The following SHANK2 variants were observed in gnomAD, a reference collection of about 807,000 sequenced individuals.
SHANK2 encodes SH3 and multiple ankyrin repeat domains 2.
Under a neutral mutation model 133.7 loss-of-function variants are expected in SHANK2, and 43 were observed. The observed-to-expected ratio is 0.32, with a 90% CI of 0.25 to 0.41. The LOEUF is 0.41. Ranked by LOEUF, SHANK2 falls within the 10% of genes least tolerant of loss-of-function variation. The pLI, the probability that SHANK2 is intolerant of heterozygous loss-of-function variation, is 1.00. For synonymous variants in SHANK2, 1,017 were observed against 952.8 expected (o/e 1.07, Z -1.24); for missense variants, 1,994 against 2,235.8 (o/e 0.89, Z 2.18).
intron 21 of SHANK2, among the ~76,000 whole-genome samples, 188 bp from the exon 22 acceptor site, chr11:70,492,653 G>A (rs2058907104): frequency 6.6e-6 from 1 of 152,204 alleles, no homozygotes; most frequent in Admixed American, 6.5e-5. Flanking sequence ...CTCCTTCCCA[G>A]GACCTTGCCC....
intron 14 of SHANK2, among the ~76,000 whole-genome samples, chr11:70,796,255 G>T (rs1296331274): frequency 6.6e-6 from 1 of 152,168 alleles, no homozygotes; most frequent in African/African-American, 2.4e-5. Context: ...AAGACAGGTT[G>T]CTCCAGCTGC....
chr11:70,492,881 C>T (rs1265421576), intron 21 of SHANK2, among the ~76,000 whole-genome samples: 2 of 149,560 alleles, frequency 1.3e-5, no homozygotes, highest in Non-Finnish European at 3.0e-5. Flanking sequence ...CTGCAACCTC[C>T]GCCTCCCAGG....
intron 17 of SHANK2, among the ~76,000 whole-genome samples, chr11:70,521,621 T>C (rs2059331339): frequency 6.6e-6 from 1 of 152,236 alleles, no homozygotes; most frequent in Non-Finnish European, 1.5e-5. Context: ...AATGAGCAGA[T>C]ACCTGTGTGT....
intron 10 of SHANK2, among the ~76,000 whole-genome samples, chr11:70,897,126 C>T (rs1369359162): frequency 2.6e-5 from 4 of 152,176 alleles, no homozygotes; most frequent in East Asian, 1.9e-4. Flanking sequence ...GTTCCAACTC[C>T]GGCCCTACAG....
chr11:70,853,719 C>A (rs1949126579), intron 11 of SHANK2, among the ~76,000 whole-genome samples: 1 of 152,182 alleles, frequency 6.6e-6, no homozygotes, highest in African/African-American at 2.4e-5. Context: ...CTTCAGACAA[C>A]AGAAATTCAT....
intron 11 of SHANK2, among the ~76,000 whole-genome samples, chr11:70,838,984 C>T (rs150365917): frequency 6.6e-6 from 1 of 152,336 alleles, no homozygotes; most frequent in Non-Finnish European, 1.5e-5. Flanking sequence ...CTTTTGGCCA[C>T]TTGCCCAGGC....
intron 2 of SHANK2, among the ~76,000 whole-genome samples, chr11:71,172,993 G>A (rs1464825485): frequency 6.6e-6 from 1 of 152,260 alleles, no homozygotes; most frequent in African/African-American, 2.4e-5. Context: ...TTGGGCTGCT[G>A]GAGGCTGAGA....
intron 17 of SHANK2, among the ~76,000 whole-genome samples, chr11:70,645,367 G>A (rs1555007871): frequency 6.6e-6 from 1 of 152,104 alleles, no homozygotes; most frequent in Non-Finnish European, 1.5e-5. Flanking sequence ...GATAGGGCTG[G>A]ACATGGGGCT....
At chr11:70,925,326 G>A (rs908452105) in intron 10 of SHANK2, among the ~76,000 whole-genome samples, 7 of 152,214 alleles carry the variant, frequency 4.6e-5, no homozygotes, top group East Asian at 1.9e-4. Flanking sequence ...AAGATGACCC[G>A]CCAAAGTGAA....
At chr11:70,646,829 T>TTTATTTTATTTATTTA (rs1491262147) in intron 17 of SHANK2, among the ~76,000 whole-genome samples, 2 of 81,970 alleles carry the variant, frequency 2.4e-5, no homozygotes, top group African/African-American at 9.9e-5. Flanking sequence ...CTTTTATTTA[T>TTTATTTTATTTATTTA]TTTATTTATT....
intron 16 of SHANK2, among the ~76,000 whole-genome samples, chr11:70,660,570 C>T (rs2061470523): frequency 6.6e-6 from 1 of 152,006 alleles, no homozygotes; most frequent in African/African-American, 2.4e-5. Flanking sequence ...TGAGGCTTGG[C>T]TTCTGGGGCC....
intron 17 of SHANK2, among the ~76,000 whole-genome samples, chr11:70,525,592 A>G (rs2059385515): frequency 6.6e-6 from 1 of 152,114 alleles, no homozygotes; most frequent in Non-Finnish European, 1.5e-5. Flanking sequence ...TTGAAATGCC[A>G]GGGTTGGCAG....
chr11:70,859,285 G>A lies in SHANK2; in HGVS notation c.1174+37216C>T, dbSNP rs561016722. On this transcript the variant is annotated intron_variant, in intron 11 of 25. Transcript: ENST00000601538. ...GGATGAATGAATAAATGGATATACA[G>A]ATGGGCAGATGGATGGGTAGGTGAG... Among the ~76,000 whole-genome samples, 3 of 152,308 alleles carry A rather than the reference G, an allele frequency of 2.0e-5. No individual in the cohort carries two copies. The South Asian group carries it at 6.2e-4, about 32-fold the overall frequency.
intron 18 of SHANK2, among the ~76,000 whole-genome samples, 173 bp downstream of exon 18, chr11:70,502,621 CAA>C (rs2059071756): frequency 1.3e-5 from 2 of 152,214 alleles, no homozygotes; most frequent in Admixed American, 1.3e-4. Context: ...GTGTGAGCCC[CAA>C]GTCATTGTCG....
rs186098014 is a variant in SHANK2 at position 70,518,701 on chromosome 11, A to G, written c.2062-15770T>C. ...CGGTGCCGGGCATACCCACGCCAGG[A>G]GCCCCGGCACAGCTGCTTGGGTCTT... On this transcript the variant is annotated intron_variant, in intron 17 of 25. Transcript: ENST00000601538. Among the ~76,000 whole-genome samples the G allele has an allele frequency of 5.5e-3, 841 of 152,236 alleles. 13 individuals are homozygous for G. The highest frequency in any genetic ancestry group is 0.019 in the African/African-American group (805 of 41,542).
chr11:70,798,036 C>T (rs1035204734), intron 14 of SHANK2, among the ~76,000 whole-genome samples: 1 of 152,150 alleles, frequency 6.6e-6, no homozygotes, highest in Admixed American at 6.5e-5. Flanking sequence ...GCAGTTTTTA[C>T]GGAGGCGTTT....
chr11:71,086,869 T>A (rs959688673), intron 8 of SHANK2, among the ~76,000 whole-genome samples: 2 of 152,210 alleles, frequency 1.3e-5, no homozygotes, highest in African/African-American at 4.8e-5. Flanking sequence ...TGCAGATGAA[T>A]GAGAGGAGGC....
intron 10 of SHANK2, among the ~76,000 whole-genome samples, chr11:70,911,773 G>A (rs1555079060): frequency 2.0e-5 from 3 of 152,108 alleles, no homozygotes; most frequent in African/African-American, 7.2e-5. Flanking sequence ...AATGACAAGA[G>A]TGAGAATGGT....
chr11:71,077,754 C>T (rs1264787143), intron 8 of SHANK2, among the ~76,000 whole-genome samples: 3 of 152,132 alleles, frequency 2.0e-5, no homozygotes, highest in African/African-American at 7.2e-5. Flanking sequence ...GAAGGGTCCA[C>T]AGACGGCTGC....
Sources: allele counts gnomAD v4.1 joint callset (sites outside exome capture counted in the v4.1 genomes callset), GRCh38; gene constraint gnomAD v4.1.1; transcripts MANE v1.5; gene names NCBI Gene and HGNC (gene_info 2026-07-23, HGNC 2026-07-21).